Variants in ACAN observed in about 807,000 individuals in gnomAD.
ACAN encodes the protein aggrecan core protein.
Under a neutral mutation model 169.1 loss-of-function variants are expected in ACAN, and 47 were observed. That is an observed-to-expected ratio of 0.28 (90% CI 0.22 to 0.35). The LOEUF (loss-of-function observed/expected upper bound fraction) is 0.35, where lower values mean the gene tolerates loss of function less well. Ranked by LOEUF, ACAN falls within the 10% of genes least tolerant of loss-of-function variation. ACAN has a pLI of 1.00. For missense variants in ACAN, 2,716 were observed against 2,759.9 expected, an observed-to-expected ratio of 0.98 and a Z score of 0.36; for synonymous variants, 1,115 against 1,112.2, an observed-to-expected ratio of 1.00 and a Z score of -0.05.
intron 1 of ACAN, among the ~76,000 whole-genome samples, chr15:88,829,135 A>T (rs1896297522): frequency 6.6e-6 from 1 of 152,198 alleles, no homozygotes; most frequent in African/African-American, 2.4e-5. Flanking sequence ...TGCTTCAGTG[A>T]TGACAGAGCA....
Position 88,859,079 on chromosome 15 carries a change from C to T in ACAN, c.6494C>T (p.Pro2165Leu), listed in dbSNP as rs540453723. ...CAAGAAGGCGAGGCGTCCGCTGCCCCAGAAGTGAGTGGAGAATCCACCACC... is the reference window on the plus strand; with the variant it reads ...CAAGAAGGCGAGGCGTCCGCTGCCCTAGAAGTGAGTGGAGAATCCACCACC... Reference protein sequence around the residue: ...TFQEGEASAAPEVSGESTTTS... With the variant: ...TFQEGEASAALEVSGESTTTS... The change falls in exon 12 of 19, where the codon CCA (proline) becomes CTA (leucine). Residue 2165 changes from proline to leucine, a missense_variant. Around this residue, in one of 3 missense-constraint regions of ACAN, gnomAD observed 1,389 missense variants for 1,363.7 expected, o/e 1.02. Transcript: ENST00000560601. 103 of 1,613,926 alleles carry T rather than the reference C, an allele frequency of 6.4e-5. No homozygotes were observed. In the Middle Eastern group the frequency reaches 1.2e-3, roughly 18 times the overall value.
Position 88,869,944 on chromosome 15 carries a change from C to T in ACAN, c.7061-1438C>T, listed in dbSNP as rs1415263392. Among the ~76,000 whole-genome samples the T allele has an allele frequency of 6.6e-6, 1 of 152,174 alleles. No homozygotes were observed. The highest frequency in any genetic ancestry group is 1.5e-5 in the Non-Finnish European group (1 of 68,022). ...AAGTTGCACCCTCCAGCTCTGCCTGCCCAGCTCAGCCCTTAGCCACTGAAG... is the reference window on the plus strand; with the variant it reads ...AAGTTGCACCCTCCAGCTCTGCCTGTCCAGCTCAGCCCTTAGCCACTGAAG... On this transcript the variant is annotated intron_variant, in intron 14 of 18. Transcript: ENST00000560601. The surrounding 1 kb of genome is among the most constrained non-coding windows in gnomAD (Gnocchi z 4.2).
chr15:88,842,521 C>A (rs1896689515), intron 5 of ACAN, among the ~76,000 whole-genome samples: 1 of 149,006 alleles, frequency 6.7e-6, no homozygotes, highest in African/African-American at 2.5e-5. Flanking sequence ...TCCCCCCTCC[C>A]CCCTACCTGA....
At position 88,874,901 on chromosome 15, in the gene ACAN, G is replaced by C; in HGVS notation, c.*420G>C. 1 of 346,610 alleles carries C rather than the reference G, an allele frequency of 2.9e-6. No individual in the cohort carries two copies. Among genetic ancestry groups the C allele is most frequent in the Non-Finnish European group, 5.6e-6 (1 of 177,824 alleles). 21.5% of individuals were successfully genotyped at this position (346,610 alleles called of 1,614,324 possible). ...CCAGGGAGAGCTAGGGAGGAGGGAG[G>C]AGGGCTCCAAAGGAGCTGGAAGGAG... is the stretch of plus-strand genomic sequence containing the variant. On this transcript the variant is annotated 3_prime_UTR_variant, in exon 19 of 19. Transcript: ENST00000560601. This position sits in a 1 kb window ranked among gnomAD's most constrained non-coding sequence, Gnocchi z 7.3.
At position 88,849,578 on chromosome 15, in the gene ACAN, G is replaced by A. The variant is rs148018909; in HGVS notation, c.1873G>A (p.Gly625Ser). ...CCGCGGCCTGGACAAGTGCTATGCCGGCTGGCTGGCCGACGGCAGCCTCCG... is the reference window on the plus strand; with the variant it reads ...CCGCGGCCTGGACAAGTGCTATGCCAGCTGGCTGGCCGACGGCAGCCTCCG... ...WSRGLDKCYA[G>S]WLADGSLRYP... is the part of the protein sequence containing the mutation. The change falls in exon 10 of 19, where the codon GGC (glycine) becomes AGC (serine). Residue 625 changes from glycine to serine, a missense_variant. Around this residue, in one of 3 missense-constraint regions of ACAN, gnomAD observed 1,283 missense variants for 1,281.5 expected, o/e 1.00. Coordinates refer to ENST00000560601, the MANE Select transcript of ACAN (RefSeq NM_001369268.1). The surrounding 1 kb of genome is among the most constrained non-coding windows in gnomAD (Gnocchi z 5.1). The A allele has an allele frequency of 1.0e-5, 16 of 1,607,730 alleles. No homozygotes were observed. Among genetic ancestry groups the A allele is most frequent in the African/African-American group, 6.7e-5 (5 of 74,804 alleles).
chr15:88,842,764 C>G (rs1295111369), intron 5 of ACAN, among the ~76,000 whole-genome samples: 1 of 152,192 alleles, frequency 6.6e-6, no homozygotes, highest in African/African-American at 2.4e-5. Context: ...TAGCCAGAAC[C>G]ACCCCTGTGA....
Position 88,866,101 on chromosome 15 carries a change from G to A in ACAN, c.6947-2115G>A, listed in dbSNP as rs1476480869. ...TGGTCAAACACAGAAAGAAAGCAAC[G>A]CTCCCCCTCACCCCAACTTGGGCAG... On this transcript the variant is annotated intron_variant, in intron 13 of 18. Coordinates refer to ENST00000560601, the MANE Select transcript of ACAN (RefSeq NM_001369268.1). The surrounding 1 kb of genome is among the most constrained non-coding windows in gnomAD (Gnocchi z 5.6). 4.6e-5 allele frequency among the ~76,000 whole-genome samples: 7 copies of A among 152,188 alleles called. No individual in the cohort carries two copies. The highest frequency in any genetic ancestry group is 1.4e-4 in the African/African-American group (6 of 41,510).
chr15:88,837,931 T>C (rs553130685), intron 2 of ACAN, among the ~76,000 whole-genome samples: 33 of 150,500 alleles, frequency 2.2e-4, no homozygotes, highest in Middle Eastern at 3.4e-3. Flanking sequence ...TTTTTTTTTT[T>C]CCCCATTCCC....
At position 88,858,899 on chromosome 15, in the gene ACAN, C is replaced by T. The variant is rs1897129697; in HGVS notation, c.6314C>T (p.Ala2105Val). The T allele has an allele frequency of 6.2e-7, 1 of 1,609,154 alleles. No homozygotes were observed. Among genetic ancestry groups the T allele is most frequent in the South Asian group, 1.1e-5 (1 of 90,802 alleles). The change falls in exon 12 of 19, where the codon GCC (alanine) becomes GTC (valine). Residue 2105 changes from alanine (A) to valine (V), a missense_variant. Around this residue, in one of 3 missense-constraint regions of ACAN, gnomAD observed 1,389 missense variants for 1,363.7 expected, o/e 1.02. Transcript: ENST00000560601. The surrounding 1 kb of genome is among the most constrained non-coding windows in gnomAD (Gnocchi z 4.0). ...SVPESSSETSAYPEAGFGASA... is the reference protein window; with the variant it reads ...SVPESSSETSVYPEAGFGASA... ...CCAGAATCTAGCAGTGAGACGTCCG[C>T]CTATCCTGAAGCTGGGTTCGGGGCA...
rs34124958 is a variant in ACAN at position 88,858,131 on chromosome 15, G to C, written c.5546G>C (p.Gly1849Ala). The change falls in exon 12 of 19, where the codon GGC becomes GCC. Residue 1849 changes from glycine to alanine, a missense_variant. Physicochemically the swap from Gly to Ala is moderately conservative, Grantham distance 60 (BLOSUM62 0). Coordinates refer to ENST00000560601, the MANE Select transcript of ACAN (RefSeq NM_001369268.1). This position sits in a 1 kb window ranked among gnomAD's most constrained non-coding sequence, Gnocchi z 4.0. ...VAPTTFKEEE[G>A]LGSVELSGLP... ...CCTACTACATTTAAAGAAGAAGAAG[G>C]CTTAGGGTCTGTGGAACTCAGTGGC... 9 of 1,613,790 alleles carry C rather than the reference G, an allele frequency of 5.6e-6. No homozygotes were observed. Among genetic ancestry groups the C allele is most frequent in the Non-Finnish European group, 7.6e-6 (9 of 1,179,868 alleles).
At chr15:88,808,038 G>C (rs181749090) in intron 1 of ACAN, among the ~76,000 whole-genome samples, 5 of 151,840 alleles carry the variant, frequency 3.3e-5, no homozygotes, top group Admixed American at 3.3e-4. Flanking sequence ...TGGTGTATGT[G>C]GGGGCGGGGG....
chr15:88,818,480 A>T (rs556413928), intron 1 of ACAN, among the ~76,000 whole-genome samples: 1 of 152,324 alleles, frequency 6.6e-6, no homozygotes, highest in Admixed American at 6.5e-5. Context: ...CAAATTTGCC[A>T]TTCCCAGAGT....
chr15:88,805,888 C>A (rs1895667495), intron 1 of ACAN, among the ~76,000 whole-genome samples: 1 of 152,200 alleles, frequency 6.6e-6, no homozygotes, highest in African/African-American at 2.4e-5. Context: ...CCCACACGCC[C>A]AATCCCAGGC....
At position 88,839,759 on chromosome 15, in the gene ACAN, ACTTTCT is replaced by A. The variant is rs1344082780; in HGVS notation, c.455-248_455-243del. Among the ~76,000 whole-genome samples, 2 of 152,214 alleles carry A rather than the reference ACTTTCT, an allele frequency of 1.3e-5. No individual in the cohort carries two copies. The highest frequency in any genetic ancestry group is 1.5e-5 in the Non-Finnish European group (1 of 68,036). ...GGCAGATTTTAGTTTAATTCAAAGAACTTTCTCTTTATCAGTATTATCATAAGTCTT... is the reference window on the plus strand; with the variant it reads ...GGCAGATTTTAGTTTAATTCAAAGAACTTTATCAGTATTATCATAAGTCTT... On this transcript the variant is annotated intron_variant, in intron 3 of 18. Coordinates refer to ENST00000560601, the MANE Select transcript of ACAN (RefSeq NM_001369268.1). The surrounding 1 kb of genome is among the most constrained non-coding windows in gnomAD (Gnocchi z 4.5).
In ACAN at chr15:88,874,164, C is replaced by T. The variant is rs1216431760; in HGVS notation, c.7630+140C>T. 1 of 1,226,084 alleles carries T rather than the reference C, an allele frequency of 8.2e-7. No homozygotes were observed. The highest frequency in any genetic ancestry group is 2.0e-5 in the Admixed American group (1 of 50,610). 76.0% of individuals were successfully genotyped at this position (1,226,084 alleles called of 1,614,324 possible). ...GGGAGGTCGGGGGGCTGCTCAGTCA[C>T]AAATAGCTGACCACTGCCCTTAGAA... On this transcript the variant is annotated intron_variant, in intron 18 of 18. Coordinates refer to ENST00000560601, the MANE Select transcript of ACAN (RefSeq NM_001369268.1). The surrounding 1 kb of genome is among the most constrained non-coding windows in gnomAD (Gnocchi z 7.3).
In ACAN at chr15:88,872,818, T is replaced by TG; in HGVS notation, c.7303-63_7303-62insG. On this transcript the variant is annotated intron_variant, in intron 16 of 18. Coordinates refer to ENST00000560601, the MANE Select transcript of ACAN (RefSeq NM_001369268.1). This position sits in a 1 kb window ranked among gnomAD's most constrained non-coding sequence, Gnocchi z 5.4. ...TGAAGAGGCTCCACGGGGAAGACAG[T>TG]CGGAGCAGGCCAACCCGCACTGTCC... is the stretch of plus-strand genomic sequence containing the variant. 6.4e-7 allele frequency: 1 copy of TG among 1,561,740 alleles called. No homozygotes were observed.
rs555296922 is a variant in ACAN at position 88,874,553 on chromosome 15, C to T, written c.*72C>T. ...CAGGCTGACGTGCATCCCACCCAGA[C>T]GGTGTCCTCTTCTTGTCGCTTTTTG... is the stretch of plus-strand genomic sequence containing the variant. On this transcript the variant is annotated 3_prime_UTR_variant, in exon 19 of 19. Coordinates refer to ENST00000560601, the MANE Select transcript of ACAN (RefSeq NM_001369268.1). The surrounding 1 kb of genome is among the most constrained non-coding windows in gnomAD (Gnocchi z 7.3). The T allele has an allele frequency of 1.1e-4, 147 of 1,340,066 alleles. No individual in the cohort carries two copies. In the African/African-American group the frequency reaches 1.7e-3, roughly 16 times the overall value. The allele number at this position is 1,340,066 out of a possible 1,614,324, so 83.0% of individuals were successfully genotyped here. A position where few individuals can be genotyped will look rare whatever the true frequency, so the allele number is the denominator to read the frequency against.
chr15:88,839,429 C>G lies in ACAN; in HGVS notation c.454+383C>G, dbSNP rs562539021. ...TTCATCCTGGTGTCTTTTCCCTCCC[C>G]CTCTCCACTCTTATTCTCAGTTCCA... On this transcript the variant is annotated intron_variant, in intron 3 of 18. Coordinates refer to ENST00000560601, the MANE Select transcript of ACAN (RefSeq NM_001369268.1). The surrounding 1 kb of genome is among the most constrained non-coding windows in gnomAD (Gnocchi z 4.5). 2.0e-5 allele frequency among the ~76,000 whole-genome samples: 3 copies of G among 152,322 alleles called. No individual in the cohort carries two copies. The highest frequency in any genetic ancestry group is 4.8e-5 in the African/African-American group (2 of 41,560).
In ACAN at chr15:88,854,930, C is replaced by G; in HGVS notation, c.2345C>G (p.Ser782Cys). The change falls in exon 12 of 19, where the codon TCT becomes TGT. Residue 782 changes from serine (S) to cysteine (C), a missense_variant. By Grantham distance (112) the Ser-to-Cys change is moderately radical (BLOSUM62 -1). Coordinates refer to ENST00000560601, the MANE Select transcript of ACAN (RefSeq NM_001369268.1). ...TEGPSATEVP[S>C]ASEEPSPSEV... is the part of the protein sequence containing the mutation. ...GGCCCTTCTGCAACTGAAGTGCCCT[C>G]TGCCTCAGAGGAACCATCCCCCTCA... 1 of 1,591,698 alleles carries G rather than the reference C, an allele frequency of 6.3e-7. No individual in the cohort carries two copies. The highest frequency in any genetic ancestry group is 8.5e-7 in the Non-Finnish European group (1 of 1,170,484).
Sources: allele counts gnomAD v4.1 joint callset (sites outside exome capture counted in the v4.1 genomes callset), GRCh38; gene constraint gnomAD v4.1.1; regional missense constraint gnomAD v4.1.1; non-coding constraint Gnocchi (gnomAD v3.1); transcripts MANE v1.5; gene names NCBI Gene and HGNC (gene_info 2026-07-23, HGNC 2026-07-21).